Variants in CSTF3 observed in about 807,000 individuals in gnomAD.
CSTF3 encodes cleavage stimulation factor subunit 3.
In CSTF3, 29 loss-of-function variants were observed where a neutral mutation model predicts 105.8. The ratio of observed to expected loss-of-function variants is 0.27; its 90% CI spans 0.20 to 0.37. CSTF3 has a LOEUF of 0.37. Ranked by LOEUF, CSTF3 falls within the 10% of genes least tolerant of loss-of-function variation. The pLI is 1.00. For synonymous variants in CSTF3, 252 were observed against 281.9 expected, an observed-to-expected ratio of 0.89 and a Z score of 1.06; for missense variants, 357 against 879.3, an observed-to-expected ratio of 0.41 and a Z score of 7.51.
intron 3 of CSTF3, among the ~76,000 whole-genome samples, chr11:33,124,537 A>G (rs1190523679): frequency 6.6e-6 from 1 of 152,106 alleles, no homozygotes; most frequent in African/African-American, 2.4e-5. Context: ...AAAACTCATA[A>G]TCATTTTTGC....
chr11:33,134,228 T>G (rs1855629754), intron 3 of CSTF3, among the ~76,000 whole-genome samples: 1 of 152,354 alleles, frequency 6.6e-6, no homozygotes, highest in East Asian at 1.9e-4. Flanking sequence ...CAAAAATTGC[T>G]TAAATAACTG....
In CSTF3 at chr11:33,087,106, C is replaced by G; in HGVS notation, c.1677G>C (p.Pro559=). 2 of 1,614,004 alleles carry G rather than the reference C, an allele frequency of 1.2e-6. No individual in the cohort carries two copies. Among genetic ancestry groups the G allele is most frequent in the African/African-American group, 2.7e-5 (2 of 74,976 alleles). The change falls in exon 18 of 21, where the codon CCG becomes CCC. Residue 559 remains proline, a synonymous_variant. Coordinates refer to ENST00000323959, the MANE Select transcript of CSTF3 (RefSeq NM_001326.3). The part of the protein sequence containing the change: ...VSRAKLAAII[P]DPVVAPSIVP... ...CTATAGAAGGAGCTACAACTGGGTC[C>G]GGAATTATAGCTGCTAGCTTAGCAC... is the stretch of plus-strand genomic sequence containing the variant.
Position 33,090,563 on chromosome 11 carries a change from G to C in CSTF3, c.1610C>G (p.Ser537Cys), listed in dbSNP as rs754627840. 3.7e-6 allele frequency: 6 copies of C among 1,601,938 alleles called. No homozygotes were observed. In the Admixed American group the frequency reaches 8.8e-5, roughly 24 times the overall value. The change falls in exon 17 of 21, where the codon TCT (serine) becomes TGT (cysteine). Residue 537 changes from serine (S) to cysteine (C), a missense_variant. By Grantham distance (112) the Ser-to-Cys change is moderately radical (BLOSUM62 -1). Transcript: ENST00000323959. The part of the protein sequence containing the change: ...RYKFMDLYPC[S>C]ASELKALGYK... ...ACCAAGTGCTTTTAATTCACTTGCA[G>C]AGCAAGGATATAAATCCATGAACTT... is the stretch of plus-strand genomic sequence containing the variant.
chr11:33,120,488 T>G (rs1446027687), intron 3 of CSTF3, among the ~76,000 whole-genome samples: 1 of 151,896 alleles, frequency 6.6e-6, no homozygotes, highest in African/African-American at 2.4e-5. Context: ...TCTCTCAGGT[T>G]TCAATCACTT....
intron 1 of CSTF3, among the ~76,000 whole-genome samples, chr11:33,143,826 T>C (rs562922457): frequency 6.6e-6 from 1 of 151,782 alleles, no homozygotes; most frequent in South Asian, 2.1e-4. Flanking sequence ...CCATCTCTAC[T>C]AAAAACACAA....
At chr11:33,133,786 G>C (rs1165312333) in intron 3 of CSTF3, among the ~76,000 whole-genome samples, 2 of 152,168 alleles carry the variant, frequency 1.3e-5, no homozygotes, top group African/African-American at 2.4e-5. Flanking sequence ...CTCAAGCCTG[G>C]GTGACAGAGC....
At chr11:33,123,317 C>A (rs777134441) in intron 3 of CSTF3, among the ~76,000 whole-genome samples, 11 of 151,998 alleles carry the variant, frequency 7.2e-5, no homozygotes, top group Non-Finnish European at 1.3e-4. Flanking sequence ...ACTGAGAGGA[C>A]CATTTTTTAC....
rs113266998 is a variant in CSTF3 at position 33,150,034 on chromosome 11, A to AAACAACAAC, written c.28-8057_28-8049dup. ...ACTCCGTCTTGAAAACAAAACAAACAAACAACAACAACAACAACAACAAAA... is the reference window on the plus strand; with the variant it reads ...ACTCCGTCTTGAAAACAAAACAAACAAACAACAACAACAACAACAACAACAACAACAAAA... On this transcript the variant is annotated intron_variant, in intron 1 of 20. Transcript: ENST00000323959. Among the ~76,000 whole-genome samples, 150 of 148,400 alleles carry AAACAACAAC rather than the reference A, an allele frequency of 1.0e-3. 2 individuals are homozygous for AAACAACAAC. Among genetic ancestry groups the AAACAACAAC allele is most frequent in the South Asian group, 6.2e-3 (29 of 4,656 alleles).
rs542163373 is a variant in CSTF3, at chr11:33,131,812, A to G, written c.225+9855T>C. 2.0e-5 allele frequency among the ~76,000 whole-genome samples: 3 copies of G among 152,320 alleles called. No homozygotes were observed. The East Asian group carries it at 5.8e-4, about 29-fold the overall frequency. ...GCCTGCAGTGAGCAGAGATCGTGGCACTGCACTCTAGCCTGGGCTACAGAG... is the reference window on the plus strand; with the variant it reads ...GCCTGCAGTGAGCAGAGATCGTGGCGCTGCACTCTAGCCTGGGCTACAGAG... On this transcript the variant is annotated intron_variant, in intron 3 of 20. Coordinates refer to ENST00000323959, the MANE Select transcript of CSTF3 (RefSeq NM_001326.3).
At chr11:33,120,991 A>C (rs533553689) in intron 3 of CSTF3, among the ~76,000 whole-genome samples, 17 of 152,172 alleles carry the variant, frequency 1.1e-4, no homozygotes, top group African/African-American at 4.1e-4. Flanking sequence ...TGAAGCTCTA[A>C]TATGGATTTT....
chr11:33,142,481 T>C (rs186643639), intron 1 of CSTF3, among the ~76,000 whole-genome samples: 1 of 152,330 alleles, frequency 6.6e-6, no homozygotes, highest in Admixed American at 6.5e-5. Context: ...GACGATTGTA[T>C]TTGTAATCAG....
chr11:33,158,829 G>C (rs1849899322), intron 1 of CSTF3, among the ~76,000 whole-genome samples: 2 of 152,096 alleles, frequency 1.3e-5, no homozygotes, highest in Middle Eastern at 3.2e-3. Context: ...CCAAAAGCAA[G>C]CAAGCAAACA....
At chr11:33,151,844 C>T (rs1191940381) in intron 1 of CSTF3, among the ~76,000 whole-genome samples, 3 of 152,162 alleles carry the variant, frequency 2.0e-5, no homozygotes, top group Non-Finnish European at 4.4e-5. Flanking sequence ...TTCTCCATAT[C>T]CTTACCAACA....
intron 12 of CSTF3, 125 bp from the exon 13 acceptor site, chr11:33,098,889 T>C: frequency 7.5e-7 from 1 of 1,331,072 alleles, no homozygotes; most frequent in Non-Finnish European, 1.0e-6. Flanking sequence ...ATAAATATAG[T>C]ATAAGCTGAC....
intron 1 of CSTF3, among the ~76,000 whole-genome samples, chr11:33,157,339 A>G (rs949244669): frequency 5.9e-5 from 9 of 152,208 alleles, no homozygotes; most frequent in African/African-American, 1.4e-4. Flanking sequence ...TGGGCAACAG[A>G]GCAAGACTCC....
At chr11:33,124,322 CAA>C (rs1855522868) in intron 3 of CSTF3, among the ~76,000 whole-genome samples, 1 of 151,932 alleles carries the variant, frequency 6.6e-6, no homozygotes, top group Admixed American at 6.6e-5. Flanking sequence ...TGGCGTAACT[CAA>C]GATTATTAAA....
chr11:33,088,886 G>A (rs1272556062), intron 17 of CSTF3, among the ~76,000 whole-genome samples: 1 of 152,102 alleles, frequency 6.6e-6, no homozygotes, highest in Non-Finnish European at 1.5e-5. Context: ...CCAAAGTGTT[G>A]GGATTATAGG....
intron 5 of CSTF3, 84 bp downstream of exon 5, chr11:33,107,819 G>T: frequency 1.4e-6 from 1 of 711,932 alleles, no homozygotes; most frequent in South Asian, 2.0e-5. Flanking sequence ...TTCCCACTTG[G>T]GGCTAACAGA....
In CSTF3 at chr11:33,090,684, C is replaced by A; in HGVS notation, c.1489G>T (p.Asp497Tyr). 1 of 1,581,954 alleles carries A rather than the reference C, an allele frequency of 6.3e-7. No individual in the cohort carries two copies. Among genetic ancestry groups the A allele is most frequent in the Admixed American group, 1.9e-5 (1 of 53,314 alleles). The part of the protein sequence containing the change: ...RFLAFESNIG[D>Y]LASILKVEKR... ...TCCACTTTGAGTATACTAGCTAGAT[C>A]ACCAATATTACTTTCAAATGCTAGA... The change falls in exon 17 of 21, where the codon GAT (aspartate) becomes TAT (tyrosine). Residue 497 changes from aspartate (D) to tyrosine (Y), a missense_variant. Physicochemically the swap from Asp to Tyr is radical, Grantham distance 160. Transcript: ENST00000323959.
Sources: gnomAD v4.1 joint callset for allele counts (sites outside exome capture counted in the v4.1 genomes callset) on GRCh38, gnomAD v4.1.1 for gene constraint, MANE v1.5 for transcripts, NCBI Gene and HGNC (gene_info 2026-07-23, HGNC 2026-07-21) for gene names.